Variants in SLC30A9 observed in about 807,000 individuals in gnomAD.
The protein encoded by SLC30A9 is proton-coupled zinc antiporter SLC30A9, mitochondrial.
SLC30A9 carries 58 observed loss-of-function variants against 87.5 expected under a neutral mutation model. The ratio of observed to expected loss-of-function variants is 0.66; its 90% CI spans 0.54 to 0.82. The LOEUF (loss-of-function observed/expected upper bound fraction) is 0.82. Among genes scored for constraint, SLC30A9 ranks in the 40% least tolerant of loss-of-function variants. The probability of loss-of-function intolerance (pLI) is 0.00; values close to 1 mark genes in which losing one functional copy is unlikely to be tolerated. For missense variants in SLC30A9, 557 were observed against 679.1 expected (o/e 0.82, Z 2.00); for synonymous variants, 234 against 233.0 (o/e 1.00, Z -0.04).
In SLC30A9 at chr4:42,021,917, ATTTTTTTTTTTT is replaced by A. The variant is rs1180421350; in HGVS notation, c.435-903_435-892del. Among the ~76,000 whole-genome samples, 26 of 39,946 alleles carry A rather than the reference ATTTTTTTTTTTT, an allele frequency of 6.5e-4. 7 individuals carry two copies. The highest frequency in any genetic ancestry group is 6.2e-3 in the Admixed American group (19 of 3,062). 26.2% of individuals were successfully genotyped at this position (39,946 alleles called of 152,430 possible). A position where few individuals can be genotyped will look rare whatever the true frequency, so the allele number is the denominator to read the frequency against. On this transcript the variant is annotated intron_variant, in intron 4 of 17. Transcript: ENST00000264451. ...GGCTGTGCGCCACCACGCCTGGCTA[ATTTTTTTTTTTT>A]TTTTTTTTTTTTTTTTTGAGACGGA...
chr4:42,001,564 T>C, intron 1 of SLC30A9, 52 bp from the exon 2 acceptor site: 1 of 1,192,788 alleles, frequency 8.4e-7, no homozygotes, highest in Non-Finnish European at 1.2e-6. Flanking sequence ...GGCAATTAAT[T>C]ATGCAGCTAG....
At chr4:42,060,914 C>G (rs1342850460) in intron 10 of SLC30A9, among the ~76,000 whole-genome samples, 1 of 152,018 alleles carries the variant, frequency 6.6e-6, no homozygotes, top group Admixed American at 6.6e-5. Flanking sequence ...TTTAGAAATG[C>G]CTTTCTTTAC....
chr4:42,023,416 T>C, intron 6 of SLC30A9, 32 bp downstream of exon 6: 1 of 1,386,268 alleles, frequency 7.2e-7, no homozygotes, highest in Non-Finnish European at 1.0e-6. Flanking sequence ...TCAAGTTAAT[T>C]GAAAAATAAC....
chr4:42,037,239 C>T (rs904018018), intron 7 of SLC30A9, among the ~76,000 whole-genome samples: 1 of 91,194 alleles, frequency 1.1e-5, no homozygotes, highest in African/African-American at 3.7e-5. Context: ...TAAATGCCTT[C>T]TTTTTTTTTT....
intron 12 of SLC30A9, among the ~76,000 whole-genome samples, 195 bp downstream of exon 12, chr4:42,065,544 G>A (rs553909370): frequency 1.3e-5 from 2 of 152,172 alleles, no homozygotes; most frequent in African/African-American, 2.4e-5. Flanking sequence ...TAGCTGTGGG[G>A]GGGTGTGTAA....
intron 6 of SLC30A9, among the ~76,000 whole-genome samples, chr4:42,031,702 C>A (rs1716446040): frequency 6.6e-6 from 1 of 152,120 alleles, no homozygotes; most frequent in Admixed American, 6.5e-5. Context: ...TCCTATCCCC[C>A]CAAAAAGAAT....
At chr4:42,080,005 C>G (rs979359935) in intron 17 of SLC30A9, among the ~76,000 whole-genome samples, 2 of 152,130 alleles carry the variant, frequency 1.3e-5, no homozygotes, top group African/African-American at 4.8e-5. Context: ...GTCTCTTATG[C>G]CTGGCTTAGT....
intron 2 of SLC30A9, 98 bp from the exon 3 acceptor site, chr4:42,018,013 T>G: frequency 4.7e-4 from 292 of 624,852 alleles, no homozygotes; most frequent in East Asian, 5.1e-4. Context: ...ACATTGTCGT[T>G]TTTATGCATT....
At chr4:42,038,484 A>G (rs938689718) in intron 7 of SLC30A9, among the ~76,000 whole-genome samples, 2 of 152,180 alleles carry the variant, frequency 1.3e-5, no homozygotes, top group African/African-American at 4.8e-5. Flanking sequence ...TTAATAAAAC[A>G]TACATTCTGT....
chr4:42,003,079 T>G (rs888845069), intron 2 of SLC30A9, among the ~76,000 whole-genome samples: 3 of 152,196 alleles, frequency 2.0e-5, no homozygotes, highest in Non-Finnish European at 4.4e-5. Context: ...TATTCTTATT[T>G]CTATTGTGAT....
At chr4:42,028,064 G>A (rs956726122) in intron 6 of SLC30A9, among the ~76,000 whole-genome samples, 1 of 152,222 alleles carries the variant, frequency 6.6e-6, no homozygotes, top group African/African-American at 2.4e-5. Context: ...GAAGAGACTG[G>A]AGAATTACCC....
chr4:42,035,207 A>G, intron 6 of SLC30A9, 68 bp from the exon 7 acceptor site: 3 of 1,457,090 alleles, frequency 2.1e-6, no homozygotes, highest in Non-Finnish European at 1.9e-6. Context: ...TGAAGAGAAT[A>G]TCATGTTCAT....
intron 17 of SLC30A9, among the ~76,000 whole-genome samples, chr4:42,084,224 C>T (rs866806177): frequency 2.6e-5 from 4 of 152,106 alleles, no homozygotes; most frequent in East Asian, 1.9e-4. Flanking sequence ...TGCCTCAGTA[C>T]TTATATTTTA....
At position 42,086,302 on chromosome 4, in the gene SLC30A9, A is replaced by G. The variant is rs1346292021; in HGVS notation, c.*176A>G. ...CTCAGCAGGACACAGAACTAAAACT[A>G]CTACTTACATCTAACAGACACACTA... On this transcript the variant is annotated 3_prime_UTR_variant, in exon 18 of 18. Coordinates refer to ENST00000264451, the MANE Select transcript of SLC30A9 (RefSeq NM_006345.4). 4.9e-6 allele frequency: 2 copies of G among 410,536 alleles called. No individual in the cohort carries two copies. The highest frequency in any genetic ancestry group is 8.8e-6 in the Non-Finnish European group (2 of 226,650). 25.4% of individuals were successfully genotyped at this position (410,536 alleles called of 1,614,324 possible). A position where few individuals can be genotyped will look rare whatever the true frequency, so the allele number is the denominator to read the frequency against.
intron 8 of SLC30A9, among the ~76,000 whole-genome samples, chr4:42,046,258 T>G (rs1157085130): frequency 6.6e-6 from 1 of 152,040 alleles, no homozygotes; most frequent in African/African-American, 2.4e-5. Context: ...GAGAAAGAAA[T>G]AAAGGGTATT....
intron 1 of SLC30A9, among the ~76,000 whole-genome samples, chr4:41,994,227 CTG>C (rs1308838525): frequency 2.6e-5 from 4 of 151,868 alleles, no homozygotes; most frequent in Non-Finnish European, 4.4e-5. Context: ...TAGGTAAAAA[CTG>C]TAGAAAAATA....
rs536795831 is a variant in SLC30A9, at chr4:42,037,239, C to CTTTT, written c.670-1716_670-1713dup. Reference sequence around the variant, plus strand: ...CCTGTTTGCAAAAATTAAATGCCTTCTTTTTTTTTTTTTTTTTTTTTTTTT... The same window carrying CTTTT: ...CCTGTTTGCAAAAATTAAATGCCTTCTTTTTTTTTTTTTTTTTTTTTTTTTTTTT... On this transcript the variant is annotated intron_variant, in intron 7 of 17. Transcript: ENST00000264451. Among the ~76,000 whole-genome samples, 418 of 91,056 alleles carry CTTTT rather than the reference C, an allele frequency of 4.6e-3. 1 individual carries two copies. Among genetic ancestry groups the CTTTT allele is most frequent in the Non-Finnish European group, 5.9e-3 (285 of 47,936 alleles). The allele number at this position is 91,056 out of a possible 152,430, so 59.7% of individuals were successfully genotyped here.
At chr4:42,044,603 A>T (rs1192826796) in intron 8 of SLC30A9, among the ~76,000 whole-genome samples, 1 of 152,198 alleles carries the variant, frequency 6.6e-6, no homozygotes, top group Non-Finnish European at 1.5e-5. Flanking sequence ...TTAGACTCCC[A>T]CACAGGAATA....
chr4:42,055,373 G>A (rs1717562907), intron 9 of SLC30A9, among the ~76,000 whole-genome samples: 2 of 104,010 alleles, frequency 1.9e-5, no homozygotes, highest in African/African-American at 5.1e-5. Context: ...TAATTATAAT[G>A]TAGTTTTTTA....
Sources: allele counts gnomAD v4.1 joint callset (sites outside exome capture counted in the v4.1 genomes callset), GRCh38; gene constraint gnomAD v4.1.1; transcripts MANE v1.5; gene names NCBI Gene and HGNC (gene_info 2026-07-23, HGNC 2026-07-21).